PUS10: variants seen among roughly 807,000 people sequenced by gnomAD.
The protein encoded by PUS10 is tRNA pseudouridine synthase Pus10.
PUS10 carries 59 observed loss-of-function variants against 75.0 expected under a neutral mutation model. The observed-to-expected ratio is 0.79, with a 90% confidence interval of 0.64 to 0.98. The LOEUF (loss-of-function observed/expected upper bound fraction) is 0.98, where lower values mean the gene tolerates loss of function less well. PUS10 is among the 50% of genes least tolerant of loss of function. The pLI, the probability that PUS10 is intolerant of heterozygous loss-of-function variation, is 0.00. For missense variants in PUS10, 650 were observed against 614.4 expected (o/e 1.06, Z -0.61); for synonymous variants, 219 against 211.6 (o/e 1.03, Z -0.30).
chr2:60,972,997 G>A (rs970219158), intron 4 of PUS10, among the ~76,000 whole-genome samples: 1 of 152,200 alleles, frequency 6.6e-6, no homozygotes, highest in South Asian at 2.1e-4. Flanking sequence ...GGGCGGTGGC[G>A]GCAGGAGGGG....
intron 4 of PUS10, among the ~76,000 whole-genome samples, chr2:60,993,715 G>A (rs1057027564): frequency 2.6e-5 from 4 of 152,076 alleles, no homozygotes; most frequent in African/African-American, 9.7e-5. Context: ...GGGAAGATTT[G>A]TAAAAATAAC....
intron 4 of PUS10, among the ~76,000 whole-genome samples, chr2:60,976,156 GT>G (rs2104454260): frequency 6.6e-6 from 1 of 152,298 alleles, no homozygotes; most frequent in South Asian, 2.1e-4. Context: ...GATTTAATGT[GT>G]TTGTAAAGAC....
intron 16 of PUS10, among the ~76,000 whole-genome samples, chr2:60,945,487 G>T (rs567823932): frequency 1.3e-5 from 2 of 151,940 alleles, no homozygotes; most frequent in Non-Finnish European, 2.9e-5. Context: ...TTTAATAATG[G>T]CAACTGTCAC....
At position 61,018,161 on chromosome 2, in the gene PUS10, G is replaced by C. The variant is rs1293352037; in HGVS notation, c.-169C>G. 1 of 1,550,638 alleles carries C rather than the reference G, an allele frequency of 6.4e-7. No homozygotes were observed. The highest frequency in any genetic ancestry group is 2.4e-5 in the East Asian group (1 of 41,070). On this transcript the variant is annotated 5_prime_UTR_variant, in exon 1 of 18. Coordinates refer to ENST00000316752, the MANE Select transcript of PUS10 (RefSeq NM_144709.4). ...TACCGCTTCTGTTTTCACTTTGACAGAATGGCTTCTCTATCTTTAAAGCGT... is the reference window on the plus strand; with the variant it reads ...TACCGCTTCTGTTTTCACTTTGACACAATGGCTTCTCTATCTTTAAAGCGT...
At chr2:61,017,673 G>A (rs948835447) in intron 1 of PUS10, 3 of 1,087,172 alleles carry the variant, frequency 2.8e-6, no homozygotes, top group Non-Finnish European at 4.0e-6. Context: ...TCGGTGTTCT[G>A]CCCGTTGTGT....
intron 4 of PUS10, among the ~76,000 whole-genome samples, chr2:60,995,987 G>C (rs775538484): frequency 2.6e-5 from 4 of 152,198 alleles, no homozygotes; most frequent in Non-Finnish European, 5.9e-5. Flanking sequence ...GCCATAAAGA[G>C]ATGCATCTTT....
Position 60,967,501 on chromosome 2 carries a change from C to T in PUS10, c.615+1G>A. The T allele has an allele frequency of 6.4e-7, 1 of 1,558,018 alleles. No individual in the cohort carries two copies. The highest frequency in any genetic ancestry group is 1.4e-5 in the African/African-American group (1 of 73,438). ...AATTAACAATGCTGTTGACCCAATA[C>T]CTTTCCATCAATGGGAACACCCAGT... On this transcript the variant is annotated splice_donor_variant, in intron 6 of 17. Transcript: ENST00000316752. LOFTEE classifies it high-confidence loss of function.
At chr2:60,971,647 C>G in intron 4 of PUS10, 90 bp from the exon 5 acceptor site, 3 of 1,214,994 alleles carry the variant, frequency 2.5e-6, no homozygotes, top group Non-Finnish European at 3.6e-6. Flanking sequence ...AAGTGCTTAA[C>G]TATTTGCTAA....
chr2:61,013,115 T>C (rs1397877579), intron 1 of PUS10, among the ~76,000 whole-genome samples: 1 of 151,680 alleles, frequency 6.6e-6, no homozygotes, highest in Non-Finnish European at 1.5e-5. Context: ...TAGCTGGGCA[T>C]GGTGGTACAC....
intron 4 of PUS10, among the ~76,000 whole-genome samples, chr2:60,972,183 G>C (rs1362156444): frequency 1.4e-5 from 2 of 140,292 alleles, no homozygotes; most frequent in African/African-American, 5.1e-5. Flanking sequence ...TTTAATCTGG[G>C]CCAGGCGCGC....
intron 4 of PUS10, among the ~76,000 whole-genome samples, chr2:60,984,591 C>T (rs115398044): frequency 1.6e-3 from 246 of 152,290 alleles, no homozygotes; most frequent in Admixed American, 4.4e-3. Flanking sequence ...AAATACTAGA[C>T]TCCATATACA....
chr2:60,940,497 A>C lies in PUS10; in HGVS notation c.*1898T>G, dbSNP rs1225345968. 2 of 152,362 alleles carry C rather than the reference A, an allele frequency of 1.3e-5. No individual in the cohort carries two copies. Among genetic ancestry groups the C allele is most frequent in the Non-Finnish European group, 2.9e-5 (2 of 68,018 alleles). 9.4% of individuals were successfully genotyped at this position (152,362 alleles called of 1,614,324 possible). A position where few individuals can be genotyped will look rare whatever the true frequency, so the allele number is the denominator to read the frequency against. ...ATTTCCAGTTCTGCCTAAAACAAAGACATACATTAATTTTTAACAATCTTT... is the reference window on the plus strand; with the variant it reads ...ATTTCCAGTTCTGCCTAAAACAAAGCCATACATTAATTTTTAACAATCTTT... On this transcript the variant is annotated 3_prime_UTR_variant, in exon 18 of 18. Transcript: ENST00000316752.
At chr2:60,972,091 A>T (rs1446526288) in intron 4 of PUS10, among the ~76,000 whole-genome samples, 2 of 144,716 alleles carry the variant, frequency 1.4e-5, no homozygotes. Context: ...CTGGTCTCGA[A>T]CTCCTGACAT....
At chr2:61,011,019 T>C (rs1679563266) in intron 2 of PUS10, 2 of 1,253,012 alleles carry the variant, frequency 1.6e-6, no homozygotes, top group Non-Finnish European at 2.2e-6. Flanking sequence ...AAACAACTAA[T>C]AACATTTTAA....
rs563193807 is a variant in PUS10 at position 60,974,745 on chromosome 2, T to G, written c.469-3188A>C. 3.9e-4 allele frequency among the ~76,000 whole-genome samples: 60 copies of G among 152,320 alleles called. 2 individuals carry two copies. The South Asian group carries it at 0.012, about 30-fold the overall frequency. Reference sequence around the variant, plus strand: ...CTTCACAGGGAGCCATGACTGCGCGTGGAGCTGCCTGCCCCACTGCAGCCA... The same window carrying G: ...CTTCACAGGGAGCCATGACTGCGCGGGGAGCTGCCTGCCCCACTGCAGCCA... On this transcript the variant is annotated intron_variant, in intron 4 of 17. Transcript: ENST00000316752.
intron 6 of PUS10, 177 bp from the exon 7 acceptor site, chr2:60,965,661 TTTG>T (rs1676296836): frequency 2.1e-6 from 1 of 478,288 alleles, no homozygotes; most frequent in Non-Finnish European, 3.7e-6. Context: ...AGGAAATAGT[TTTG>T]TTTTTTTTTT....
intron 4 of PUS10, among the ~76,000 whole-genome samples, chr2:60,972,277 C>A (rs1270105647): frequency 6.7e-6 from 1 of 150,024 alleles, no homozygotes; most frequent in African/African-American, 2.4e-5. Flanking sequence ...TCCTGGCTAA[C>A]ACGGTGAAAC....
intron 8 of PUS10, among the ~76,000 whole-genome samples, chr2:60,964,368 A>C (rs907462361): frequency 3.3e-5 from 5 of 152,240 alleles, no homozygotes; most frequent in Middle Eastern, 6.3e-3. Flanking sequence ...AACAAAATGA[A>C]TGTCAGTAAA....
At chr2:61,000,064 C>A (rs945980316) in intron 4 of PUS10, among the ~76,000 whole-genome samples, 2 of 151,990 alleles carry the variant, frequency 1.3e-5, no homozygotes, top group East Asian at 1.9e-4. Flanking sequence ...ACCAACCCCC[C>A]ACAGATATCA....
Sources: allele counts gnomAD v4.1 joint callset (sites outside exome capture counted in the v4.1 genomes callset), GRCh38; gene constraint gnomAD v4.1.1; transcripts MANE v1.5; gene names NCBI Gene and HGNC (gene_info 2026-07-23, HGNC 2026-07-21).